The following SETBP1 variants were observed in gnomAD, a reference collection of about 807,000 sequenced individuals.
SETBP1 encodes SET binding protein 1.
Under a neutral mutation model 101.0 loss-of-function variants are expected in SETBP1, and 9 were observed. The observed-to-expected ratio is 0.09, with a 90% CI of 0.05 to 0.16. SETBP1 has a LOEUF of 0.16. Ranked by LOEUF, SETBP1 falls within the 10% of genes least tolerant of loss-of-function variation. The pLI, the probability that SETBP1 is intolerant of heterozygous loss-of-function variation, is 1.00. For missense variants in SETBP1, 1,858 were observed against 2,033.8 expected, an observed-to-expected ratio of 0.91 and a Z score of 1.66; for synonymous variants, 818 against 788.5, an observed-to-expected ratio of 1.04 and a Z score of -0.63.
intron 2 of SETBP1, among the ~76,000 whole-genome samples, chr18:44,814,028 C>G (rs543971939): frequency 1.3e-5 from 2 of 152,112 alleles, no homozygotes; most frequent in African/African-American, 4.8e-5. Flanking sequence ...GGGCCCTTGC[C>G]CTCCAGAAAC....
intron 2 of SETBP1, among the ~76,000 whole-genome samples, chr18:44,862,484 C>G (rs1445507704): frequency 6.6e-6 from 1 of 152,072 alleles, no homozygotes; most frequent in Non-Finnish European, 1.5e-5. Flanking sequence ...GGTGGGAAAC[C>G]ACCCCCGCGG....
intron 3 of SETBP1, among the ~76,000 whole-genome samples, chr18:44,927,996 A>G (rs1311230408): frequency 6.6e-6 from 1 of 152,168 alleles, no homozygotes; most frequent in Non-Finnish European, 1.5e-5. Context: ...TTTGTTACAT[A>G]TGTATACATG....
chr18:44,875,456 T>G (rs1222921318), intron 3 of SETBP1, among the ~76,000 whole-genome samples: 2 of 141,714 alleles, frequency 1.4e-5, no homozygotes, highest in African/African-American at 5.3e-5. Context: ...AGGAGGAGGT[T>G]GCCGAGATCG....
rs1448973490 is a variant in SETBP1, at chr18:44,950,332, T to C, written c.992T>C (p.Val331Ala). 1 of 1,613,844 alleles carries C rather than the reference T, an allele frequency of 6.2e-7. No homozygotes were observed. The highest frequency in any genetic ancestry group is 1.3e-5 in the African/African-American group (1 of 74,894). Reference protein sequence around the residue: ...GTKEPPEPPTVGSKKKSSKKD... With the variant: ...GTKEPPEPPTAGSKKKSSKKD... ...AAGGAGCCCCCAGAACCACCTACGG[T>C]GGGCAGCAAGAAAAAGTCCAGTAAA... is the stretch of plus-strand genomic sequence containing the variant. The change falls in exon 4 of 6, where the codon GTG (valine) becomes GCG (alanine). Residue 331 changes from valine to alanine, a missense_variant. This residue lies in a region of SETBP1 where 581 missense variants were observed against 535.1 expected (regional missense o/e 1.09). Transcript: ENST00000649279.
At chr18:44,721,055 G>C (rs1031474246) in intron 2 of SETBP1, among the ~76,000 whole-genome samples, 1 of 152,150 alleles carries the variant, frequency 6.6e-6, no homozygotes, top group African/African-American at 2.4e-5. Flanking sequence ...GGCATGAGTG[G>C]CCTTGAGTTC....
intron 2 of SETBP1, among the ~76,000 whole-genome samples, chr18:44,713,462 G>A (rs2069390738): frequency 6.6e-6 from 1 of 152,080 alleles, no homozygotes; most frequent in Non-Finnish European, 1.5e-5. Context: ...TGTATTCCAT[G>A]GTTTCCTGGT....
chr18:44,937,513 C>G (rs1279033940), intron 3 of SETBP1, among the ~76,000 whole-genome samples: 10 of 151,230 alleles, frequency 6.6e-5, no homozygotes, highest in Admixed American at 6.6e-4. Context: ...CAAGGAAGCT[C>G]AGGTGTAAGA....
chr18:44,787,988 A>T (rs1420479148), intron 2 of SETBP1, among the ~76,000 whole-genome samples: 1 of 150,728 alleles, frequency 6.6e-6, no homozygotes, highest in African/African-American at 2.4e-5. Context: ...ACTTGTATAC[A>T]TTAGTTTATT....
At chr18:44,841,364 A>G (rs922608177) in intron 2 of SETBP1, among the ~76,000 whole-genome samples, 1 of 152,188 alleles carries the variant, frequency 6.6e-6, no homozygotes, top group Non-Finnish European at 1.5e-5. Flanking sequence ...CGAGTTATCC[A>G]TGGAGAAAGT....
intron 3 of SETBP1, among the ~76,000 whole-genome samples, chr18:44,909,767 A>G (rs2070260558): frequency 6.6e-6 from 1 of 152,232 alleles, no homozygotes. Flanking sequence ...TGTCAAAATT[A>G]TAAATATTTA....
intron 4 of SETBP1, among the ~76,000 whole-genome samples, chr18:44,991,080 A>G (rs191220048): frequency 6.6e-6 from 1 of 151,936 alleles, no homozygotes. Flanking sequence ...TGTCTCTACT[A>G]AAAATGCAAA....
chr18:44,701,970 T>C, intron 2 of SETBP1, 138 bp downstream of exon 2: 1 of 975,602 alleles, frequency 1.0e-6, no homozygotes, highest in Non-Finnish European at 1.5e-6. Flanking sequence ...CCCTGCACAG[T>C]TAAATCTGTG....
At chr18:44,796,905 C>T (rs1013661918) in intron 2 of SETBP1, among the ~76,000 whole-genome samples, 1 of 152,162 alleles carries the variant, frequency 6.6e-6, no homozygotes, top group African/African-American at 2.4e-5. Flanking sequence ...ATAATCTCTA[C>T]TTTATTTTGT....
At chr18:44,818,186 C>A (rs1456443119) in intron 2 of SETBP1, among the ~76,000 whole-genome samples, 3 of 152,188 alleles carry the variant, frequency 2.0e-5, no homozygotes, top group East Asian at 3.9e-4. Flanking sequence ...CTCTGTTAGT[C>A]TGTGCTGCCT....
At chr18:44,839,748 T>C (rs1175909180) in intron 2 of SETBP1, among the ~76,000 whole-genome samples, 1 of 152,208 alleles carries the variant, frequency 6.6e-6, no homozygotes, top group Non-Finnish European at 1.5e-5. Flanking sequence ...TCTCCTTCCC[T>C]GTATGGGTTT....
chr18:44,718,851 G>A (rs113263565), intron 2 of SETBP1, among the ~76,000 whole-genome samples: 12 of 152,214 alleles, frequency 7.9e-5, no homozygotes, highest in African/African-American at 1.4e-4. Context: ...AAAGCACCTC[G>A]TAGTATCTCA....
Position 45,015,828 on chromosome 18 carries a change from C to A in SETBP1, c.4001-22657C>A, listed in dbSNP as rs187341280. On this transcript the variant is annotated intron_variant, in intron 4 of 5. Transcript: ENST00000649279. The stretch of plus-strand genomic sequence containing the variant: ...ACATACATATGCCCATAAATCATTT[C>A]TTTTACAGAGAGAAGGATAAGAGAT... Among the ~76,000 whole-genome samples, 50 of 152,274 alleles carry A rather than the reference C, an allele frequency of 3.3e-4. No individual in the cohort carries two copies. The East Asian group carries it at 8.7e-3, about 26-fold the overall frequency.
chr18:44,865,876 CCTTCAATGCATG>C (rs1166122616), intron 2 of SETBP1, among the ~76,000 whole-genome samples: 4 of 152,200 alleles, frequency 2.6e-5, no homozygotes, highest in Non-Finnish European at 5.9e-5. Context: ...TCAGATAACA[CCTTCAATGCATG>C]CTAGTTTGTG....
intron 3 of SETBP1, among the ~76,000 whole-genome samples, chr18:44,923,456 A>T (rs993541273): frequency 2.0e-5 from 3 of 152,164 alleles, no homozygotes; most frequent in Non-Finnish European, 4.4e-5. Context: ...AAGTCTCCTG[A>T]TGTTGTTGAG....
Sources: gnomAD v4.1 joint callset for allele counts (sites outside exome capture counted in the v4.1 genomes callset) on GRCh38, gnomAD v4.1.1 for gene constraint, gnomAD v4.1.1 regional missense constraint, MANE v1.5 for transcripts, NCBI Gene and HGNC (gene_info 2026-07-23, HGNC 2026-07-21) for gene names.